GNE: variants seen among roughly 807,000 people sequenced by gnomAD.
GNE encodes bifunctional UDP-N-acetylglucosamine 2-epimerase/N-acetylmannosamine kinase.
In GNE, 41 loss-of-function variants were observed where a neutral mutation model predicts 61.8. The observed-to-expected ratio is 0.66, with a 90% CI of 0.52 to 0.86. GNE has a LOEUF of 0.86. GNE is among the 40% of genes least tolerant of loss of function. GNE has a pLI of 0.00. For missense variants in GNE, 608 were observed against 909.1 expected, an observed-to-expected ratio of 0.67 and a Z score of 4.26; for synonymous variants, 264 against 326.4, an observed-to-expected ratio of 0.81 and a Z score of 2.06.
chr9:36,214,530 T>C lies in GNE; in HGVS notation c.*2835A>G, dbSNP rs1000899550. On this transcript the variant is annotated 3_prime_UTR_variant, in exon 12 of 12. Coordinates refer to ENST00000642385, the MANE Select transcript of GNE (RefSeq NM_005476.7). ...TACATTAAAATAAATTAACATGCAA[T>C]TACTTAACCATATGTAATAATTTAC... The C allele has an allele frequency of 6.6e-6, 1 of 152,198 alleles. No homozygotes were observed. Among genetic ancestry groups the C allele is most frequent in the African/African-American group, 2.4e-5 (1 of 41,434 alleles). 9.4% of individuals were successfully genotyped at this position (152,198 alleles called of 1,614,324 possible).
intron 7 of GNE, among the ~76,000 whole-genome samples, chr9:36,226,170 T>C (rs148387526): frequency 2.6e-5 from 4 of 152,190 alleles, no homozygotes; most frequent in African/African-American, 9.6e-5. Flanking sequence ...TATTCTTCTA[T>C]TAGTTTTTGT....
chr9:36,229,425 C>G (rs958820999), intron 5 of GNE, among the ~76,000 whole-genome samples: 12 of 152,160 alleles, frequency 7.9e-5, no homozygotes, highest in Admixed American at 5.9e-4. Context: ...CTATGAGATT[C>G]ACTCTCTTTC....
chr9:36,242,807 C>T (rs1446780373), intron 3 of GNE, among the ~76,000 whole-genome samples: 1 of 138,972 alleles, frequency 7.2e-6, no homozygotes, highest in African/African-American at 2.8e-5. Flanking sequence ...TGCAGTGGTG[C>T]AATCTCGGCT....
At chr9:36,248,974 A>G (rs1314797222) in intron 2 of GNE, among the ~76,000 whole-genome samples, 1 of 152,218 alleles carries the variant, frequency 6.6e-6, no homozygotes, top group African/African-American at 2.4e-5. Flanking sequence ...GATGCTCTAT[A>G]TCATGATCTC....
chr9:36,236,667 T>C (rs1452219836), intron 4 of GNE, among the ~76,000 whole-genome samples, 165 bp downstream of exon 4: 1 of 152,194 alleles, frequency 6.6e-6, no homozygotes, highest in Non-Finnish European at 1.5e-5. Context: ...TACAAACTTT[T>C]TGAGTTATAG....
intron 1 of GNE, among the ~76,000 whole-genome samples, chr9:36,273,660 C>CTT (rs11307863): frequency 1.4e-5 from 2 of 139,506 alleles, no homozygotes; most frequent in Non-Finnish European, 3.1e-5. Context: ...ATTTGGAACT[C>CTT]TTTTTTTTTT....
At chr9:36,276,033 T>C (rs1587398571) in intron 1 of GNE, among the ~76,000 whole-genome samples, 1 of 151,944 alleles carries the variant, frequency 6.6e-6, no homozygotes, top group African/African-American at 2.4e-5. Flanking sequence ...GTTTGCCGGG[T>C]ATGGTAGTCT....
At position 36,218,471 on chromosome 9, in the gene GNE, C is replaced by T. The variant is rs970383403; in HGVS notation, c.1817-172G>A. 2.6e-5 allele frequency among the ~76,000 whole-genome samples: 4 copies of T among 152,204 alleles called. No individual in the cohort carries two copies. On this transcript the variant is annotated intron_variant, in intron 10 of 11. Coordinates refer to ENST00000642385, the MANE Select transcript of GNE (RefSeq NM_005476.7). This position sits in a 1 kb window ranked among gnomAD's most constrained non-coding sequence, Gnocchi z 4.1. ...TACACTGCCCCTAAAGCCTTTGCTA[C>T]CCTCTTGCTAATTGGTTGTACATAA...
intron 7 of GNE, 21 bp downstream of exon 7, chr9:36,227,227 G>T: frequency 6.6e-7 from 1 of 1,510,090 alleles, no homozygotes; most frequent in Non-Finnish European, 9.2e-7. Context: ...TATAAAGTTA[G>T]GAGTTTAGGA....
chr9:36,258,067 C>T lies in GNE; in HGVS notation c.-43+254G>A, dbSNP rs535344426. The stretch of plus-strand genomic sequence containing the variant: ...CCAGGGGACAAGTCAACCTGGGCCT[C>T]CCTCTACATCCCCTCCCCTGCTCAT... On this transcript the variant is annotated intron_variant, in intron 1 of 11. Coordinates refer to ENST00000642385, the MANE Select transcript of GNE (RefSeq NM_005476.7). Among the ~76,000 whole-genome samples the T allele has an allele frequency of 2.6e-5, 4 of 152,288 alleles. No individual in the cohort carries two copies. In the East Asian group the frequency reaches 7.8e-4, roughly 30 times the overall value.
intron 3 of GNE, among the ~76,000 whole-genome samples, chr9:36,241,747 G>C (rs1160173507): frequency 6.6e-6 from 1 of 152,028 alleles, no homozygotes; most frequent in East Asian, 1.9e-4. Flanking sequence ...TTAAAATTAA[G>C]ATTGTTATAT....
chr9:36,258,218 A>C, intron 1 of GNE, 103 bp downstream of exon 1: 1 of 626,326 alleles, frequency 1.6e-6, no homozygotes, highest in Non-Finnish European at 2.0e-6. Flanking sequence ...GTGGGGTGGA[A>C]AGCGGCCGGG....
At chr9:36,233,716 CAATAA>C in intron 5 of GNE, 199 bp downstream of exon 5, 2 of 639,004 alleles carry the variant, frequency 3.1e-6, no homozygotes, top group East Asian at 5.6e-5. Flanking sequence ...ATTACAAAGA[CAATAA>C]AATGTAAGTA....
rs541098099 is a variant in GNE at position 36,276,863 on chromosome 9, A to C, written c.51+31T>G. 2.1e-5 allele frequency: 32 copies of C among 1,535,878 alleles called. No homozygotes were observed. The African/African-American group carries it at 4.3e-4, about 20-fold the overall frequency. ...TTTTTTTCTGATTGCAATTTCAATAATAAAGCTCTATTGAATTCCGAATTA... is the reference window on the plus strand; with the variant it reads ...TTTTTTTCTGATTGCAATTTCAATACTAAAGCTCTATTGAATTCCGAATTA... On this transcript the variant is annotated intron_variant, in intron 1 of 11. Coordinates refer to the GNE transcript ENST00000396594.
chr9:36,243,679 CA>C (rs1385585145), intron 3 of GNE, among the ~76,000 whole-genome samples: 5 of 151,954 alleles, frequency 3.3e-5, no homozygotes, highest in Non-Finnish European at 5.9e-5. Flanking sequence ...CCCATCTCTA[CA>C]AAAAAATTTT....
chr9:36,261,755 A>G (rs1446363940), upstream of GNE, among the ~76,000 whole-genome samples: 2 of 151,786 alleles, frequency 1.3e-5, no homozygotes, highest in African/African-American at 2.4e-5. Context: ...ACCCGTCTCT[A>G]CTAAAAATAC....
chr9:36,267,175 A>T (rs1830834353), intron 1 of GNE, among the ~76,000 whole-genome samples: 1 of 152,224 alleles, frequency 6.6e-6, no homozygotes, highest in Non-Finnish European at 1.5e-5. Context: ...GTACTGATTA[A>T]GATACTTATA....
intron 3 of GNE, among the ~76,000 whole-genome samples, chr9:36,244,865 G>A (rs1221771455): frequency 2.0e-5 from 3 of 151,410 alleles, no homozygotes; most frequent in Non-Finnish European, 4.4e-5. Context: ...GCTTGAACCC[G>A]GGAAGTGGAG....
chr9:36,244,549 A>G (rs924607946), intron 3 of GNE, among the ~76,000 whole-genome samples: 9 of 152,322 alleles, frequency 5.9e-5, no homozygotes, highest in East Asian at 1.9e-4. Flanking sequence ...CTTTTTAATA[A>G]TCATCATAAT....
Sources: gnomAD v4.1 joint callset for allele counts (sites outside exome capture counted in the v4.1 genomes callset) on GRCh38, gnomAD v4.1.1 for gene constraint, Gnocchi (gnomAD v3.1) non-coding constraint, MANE v1.5 for transcripts, NCBI Gene and HGNC (gene_info 2026-07-23, HGNC 2026-07-21) for gene names.